Variants in ATP12A observed in about 807,000 individuals in gnomAD.
The protein encoded by ATP12A is potassium-transporting ATPase alpha chain 2.
Under a neutral mutation model 111.2 loss-of-function variants are expected in ATP12A, and 81 were observed. That is an observed-to-expected ratio of 0.73 (90% CI 0.61 to 0.88). ATP12A has a LOEUF of 0.88. Among genes scored for constraint, ATP12A ranks in the 40% least tolerant of loss-of-function variants. The probability of loss-of-function intolerance (pLI) is 0.00; values close to 1 mark genes in which losing one functional copy is unlikely to be tolerated. For synonymous variants in ATP12A, 498 were observed against 499.8 expected (o/e 1.00, Z 0.05); for missense variants, 1,196 against 1,313.1 (o/e 0.91, Z 1.38).
Position 24,691,209 on chromosome 13 carries a change from A to C in ATP12A, c.1027A>C (p.Ile343Leu). 1 of 1,613,992 alleles carries C rather than the reference A, an allele frequency of 6.2e-7. No individual in the cohort carries two copies. Among genetic ancestry groups the C allele is most frequent in the Non-Finnish European group, 8.5e-7 (1 of 1,179,936 alleles). The change falls in exon 8 of 23, where the codon ATT becomes CTT. Residue 343 changes from isoleucine (I) to leucine (L), a missense_variant. Ile to Leu is a conservative substitution (Grantham distance 5). Coordinates refer to ENST00000381946, the MANE Select transcript of ATP12A (RefSeq NM_001676.7). ...CTCCATCATCTTCCTCATTGGCATC[A>C]TTGTGGCCAATGTGCCCGAGGGCCT... ...LDSIIFLIGI[I>L]VANVPEGLLA...
rs763598668 is a variant in ATP12A at position 24,692,753 on chromosome 13, C to A, written c.1268-34C>A. The A allele has an allele frequency of 8.1e-6, 13 of 1,608,938 alleles. No homozygotes were observed. The African/African-American group carries it at 1.5e-4, about 18-fold the overall frequency. ...GTGACTCATGGACGGCCAGCCCAAC[C>A]CACAGCAGCCACTGTTCTTTCTCTG... On this transcript the variant is annotated intron_variant, in intron 9 of 22. Transcript: ENST00000381946.
In ATP12A at chr13:24,702,409, G is replaced by C. The variant is rs142784618; in HGVS notation, c.2018+338G>C. Reference sequence around the variant, plus strand: ...TGTGAAATTACTTGCCATAGATGCAGTTGCATAATTTGGAATCGTAAGAAC... The same window carrying C: ...TGTGAAATTACTTGCCATAGATGCACTTGCATAATTTGGAATCGTAAGAAC... On this transcript the variant is annotated intron_variant, in intron 14 of 22. Transcript: ENST00000381946. Among the ~76,000 whole-genome samples, 407 of 152,338 alleles carry C rather than the reference G, an allele frequency of 2.7e-3. 4 individuals carry two copies. Among genetic ancestry groups the C allele is most frequent in the Middle Eastern group, 0.01 (3 of 294 alleles).
rs148844496 is a variant in ATP12A, at chr13:24,698,669, C to T, written c.1524C>T (p.His508=). ...TCATTCCTTCCCAGCTCTCCATCCA[C>T]GAGATGGATGACCCCCACGGCAAGC... is the stretch of plus-strand genomic sequence containing the variant. ...NSTNKFQLSI[H]EMDDPHGKRF... is the part of the protein sequence containing the mutation. The change falls in exon 12 of 23, where the codon CAC becomes CAT. Residue 508 remains histidine, a synonymous_variant. Transcript: ENST00000381946. The T allele has an allele frequency of 1.6e-4, 258 of 1,613,402 alleles. No homozygotes were observed. The highest frequency in any genetic ancestry group is 2.1e-4 in the Non-Finnish European group (246 of 1,179,930).
chr13:24,711,703 T>G lies in ATP12A; in HGVS notation c.*181T>G. ...ATGTTTTGCACTTTAAAACTGAAAT[T>G]CAACTCTTTATATAGGATTTTCTTT... On this transcript the variant is annotated 3_prime_UTR_variant, in exon 23 of 23. Coordinates refer to ENST00000381946, the MANE Select transcript of ATP12A (RefSeq NM_001676.7). The G allele has an allele frequency of 4.1e-6, 3 of 739,790 alleles. No homozygotes were observed. 45.8% of individuals were successfully genotyped at this position (739,790 alleles called of 1,614,324 possible).
intron 11 of ATP12A, among the ~76,000 whole-genome samples, chr13:24,697,111 A>G (rs997079521): frequency 6.6e-6 from 1 of 152,190 alleles, no homozygotes; most frequent in African/African-American, 2.4e-5. Context: ...CTGGGCTCAA[A>G]TCCCAGCTCA....
rs747430074 is a variant in ATP12A, at chr13:24,698,869, C to T, written c.1705+19C>T. 1.2e-6 allele frequency: 2 copies of T among 1,610,782 alleles called. No individual in the cohort carries two copies. Among genetic ancestry groups the T allele is most frequent in the African/African-American group, 2.7e-5 (2 of 74,848 alleles). The stretch of plus-strand genomic sequence containing the variant: ...GTGCTGGGTGAGTGCGGCGGCAGGG[C>T]CCTGCCCATCACCTGGTGGGCACAG... On this transcript the variant is annotated intron_variant, in intron 12 of 22. Transcript: ENST00000381946.
Position 24,704,973 on chromosome 13 carries a change from C to T in ATP12A, c.2019-1340C>T, listed in dbSNP as rs959907598. Among the ~76,000 whole-genome samples, 4 of 152,220 alleles carry T rather than the reference C, an allele frequency of 2.6e-5. No homozygotes were observed. The East Asian group carries it at 7.7e-4, about 29-fold the overall frequency. On this transcript the variant is annotated intron_variant, in intron 14 of 22. Transcript: ENST00000381946. ...TTAGCAGGTGTAAGGGGAAAGGAAA[C>T]ACCCCTTCTTTCTTCTCTTACTTTC...
At chr13:24,698,256 C>T (rs1875250474) in intron 11 of ATP12A, among the ~76,000 whole-genome samples, 1 of 152,078 alleles carries the variant, frequency 6.6e-6, no homozygotes, top group Admixed American at 6.5e-5. Context: ...GTCGCCTCCT[C>T]CCCTCCTGAG....
In ATP12A at chr13:24,711,390, C is replaced by T. The variant is rs780268850; in HGVS notation, c.3072C>T (p.Phe1024=). Residue 1024 remains phenylalanine (F), a synonymous_variant, in exon 22 of 23, where the codon TTC becomes TTT. Transcript: ENST00000381946. Reference sequence around the variant, plus strand: ...TGTATGATGAGGTGCGGAAGCTCTTCATCAGGCTCTACCCTGGAAGTGAGT... The same window carrying T: ...TGTATGATGAGGTGCGGAAGCTCTTTATCAGGCTCTACCCTGGAAGTGAGT... The part of the protein sequence containing the change: ...IWVYDEVRKL[F]IRLYPGSWWD... 1 of 1,613,162 alleles carries T rather than the reference C, an allele frequency of 6.2e-7. No homozygotes were observed.
At chr13:24,708,900 G>A (rs9581154) in intron 17 of ATP12A, among the ~76,000 whole-genome samples, 3,133 of 64,490 alleles carry the variant, frequency 0.049, 39 homozygotes, top group African/African-American at 0.068. Flanking sequence ...AAGAAAGAAA[G>A]GAAAGAAAGA....
chr13:24,690,564 G>C (rs369669493), intron 6 of ATP12A, 40 bp from the exon 7 acceptor site: 51 of 1,602,768 alleles, frequency 3.2e-5, no homozygotes, highest in Non-Finnish European at 3.9e-5. Flanking sequence ...GGCAGGGAAT[G>C]AGGTACCCAG....
chr13:24,694,329 A>T (rs1875039089), intron 10 of ATP12A, 115 bp from the exon 11 acceptor site: 3 of 1,336,038 alleles, frequency 2.2e-6, no homozygotes, highest in Middle Eastern at 3.8e-4. Context: ...TCACGTGATA[A>T]TGTCTCTCCA....
At chr13:24,708,567 A>G (rs1875768585) in intron 17 of ATP12A, among the ~76,000 whole-genome samples, 1 of 152,124 alleles carries the variant, frequency 6.6e-6, no homozygotes, top group Non-Finnish European at 1.5e-5. Context: ...TGGTGCGGGC[A>G]TCACCTGGGA....
At position 24,706,455 on chromosome 13, in the gene ATP12A, C is replaced by T; in HGVS notation, c.2161C>T (p.Gln721Ter). The change falls in exon 15 of 23, where the codon CAG becomes TAG. Residue 721 changes from glutamine to a stop codon, truncating the protein, a stop_gained. Transcript: ENST00000381946. LOFTEE classifies it high-confidence loss of function. ...QQKLIIVEGC[Q>*]RQDAVVAVTG... is the part of the protein sequence containing the mutation. ...GAAGCTGATCATTGTGGAGGGCTGT[C>T]AGAGGCAGGTGGGTGGACAGCAGTG... 1 of 1,613,728 alleles carries T rather than the reference C, an allele frequency of 6.2e-7. No homozygotes were observed. Among genetic ancestry groups the T allele is most frequent in the Non-Finnish European group, 8.5e-7 (1 of 1,179,792 alleles).
intron 21 of ATP12A, 23 bp downstream of exon 21, chr13:24,710,916 G>A (rs1204687148): frequency 6.3e-7 from 1 of 1,597,840 alleles, no homozygotes; most frequent in South Asian, 1.1e-5. Flanking sequence ...TCAACAGCAT[G>A]GAGGAAAGAG....
In ATP12A at chr13:24,711,380, G is replaced by A. The variant is rs750705892; in HGVS notation, c.3062G>A (p.Arg1021Gln). 149 of 1,612,190 alleles carry A rather than the reference G, an allele frequency of 9.2e-5. No homozygotes were observed. Among genetic ancestry groups the A allele is most frequent in the Non-Finnish European group, 1.1e-4 (133 of 1,179,258 alleles). ...AILIWVYDEV[R>Q]KLFIRLYPGS... Reference sequence around the variant, plus strand: ...CTGATCTGGGTGTATGATGAGGTGCGGAAGCTCTTCATCAGGCTCTACCCT... The same window carrying A: ...CTGATCTGGGTGTATGATGAGGTGCAGAAGCTCTTCATCAGGCTCTACCCT... Residue 1021 changes from arginine (R) to glutamine (Q), a missense_variant, in exon 22 of 23, where the codon CGG becomes CAG. Arg to Gln is a conservative substitution (Grantham distance 43). Transcript: ENST00000381946.
chr13:24,692,378 C>T lies in ATP12A; in HGVS notation c.1069-51C>T, dbSNP rs765321632. 2.6e-6 allele frequency: 4 copies of T among 1,566,536 alleles called. No homozygotes were observed. In the Admixed American group the frequency reaches 6.7e-5, roughly 26 times the overall value. ...CATTGGCTATTTCTGTATTATTGGACCTGAGTTCAAATGAGGATTTTTCCC... is the reference window on the plus strand; with the variant it reads ...CATTGGCTATTTCTGTATTATTGGATCTGAGTTCAAATGAGGATTTTTCCC... On this transcript the variant is annotated intron_variant, in intron 8 of 22. Transcript: ENST00000381946.
chr13:24,696,543 A>G (rs1875162738), intron 11 of ATP12A, among the ~76,000 whole-genome samples: 4 of 117,588 alleles, frequency 3.4e-5, no homozygotes, highest in Non-Finnish European at 5.4e-5. Flanking sequence ...CGTCTCTACT[A>G]AAAAAAAAAA....
intron 14 of ATP12A, among the ~76,000 whole-genome samples, chr13:24,703,263 G>A (rs1875472268): frequency 6.6e-6 from 1 of 150,546 alleles, no homozygotes; most frequent in African/African-American, 2.4e-5. Flanking sequence ...TGTTTATTTA[G>A]ACAGAGTCTC....
Sources: gnomAD v4.1 joint callset for allele counts (sites outside exome capture counted in the v4.1 genomes callset) on GRCh38, gnomAD v4.1.1 for gene constraint, MANE v1.5 for transcripts, NCBI Gene and HGNC (gene_info 2026-07-23, HGNC 2026-07-21) for gene names.